The following CACNA1B variants were observed in gnomAD, a reference collection of about 807,000 sequenced individuals.
CACNA1B encodes the protein calcium voltage-gated channel subunit alpha1 B, also known as voltage-dependent N-type calcium channel subunit alpha-1B.
A neutral mutation model predicts 247.2 loss-of-function variants in CACNA1B; 70 were observed. The ratio of observed to expected loss-of-function variants is 0.28; its 90% CI spans 0.23 to 0.35. CACNA1B has a LOEUF of 0.35. CACNA1B is among the 10% of genes least tolerant of loss of function. CACNA1B has a pLI of 1.00. For missense variants in CACNA1B, 2,367 were observed against 3,197.4 expected (o/e 0.74, Z 6.26); for synonymous variants, 1,231 against 1,294.4 (o/e 0.95, Z 1.05).
At chr9:138,039,514 TG>T (rs1190470122) in intron 20 of CACNA1B, among the ~76,000 whole-genome samples, 4 of 152,226 alleles carry the variant, frequency 2.6e-5, no homozygotes, top group Non-Finnish European at 5.9e-5. Context: ...TAGATTATTT[TG>T]TTTTTTTAGG....
intron 37 of CACNA1B, among the ~76,000 whole-genome samples, chr9:138,098,235 A>G (rs1477160285): frequency 6.6e-6 from 1 of 152,166 alleles, no homozygotes; most frequent in East Asian, 1.9e-4. Flanking sequence ...TCATGCTGGG[A>G]GGGACAGGCT....
Position 138,058,630 on chromosome 9 carries a change from G to A in CACNA1B, c.4370G>A (p.Arg1457Gln), listed in dbSNP as rs1445632261. ...KPLTRYMPQN[R>Q]QSFQYKTWTF... is the part of the protein sequence containing the mutation. ...CTGACACGGTACATGCCCCAAAACC[G>A]GCAGTCGTTCCAGTATAAGACGTGG... Residue 1457 changes from arginine to glutamine, a missense_variant, in exon 29 of 47, where the codon CGG becomes CAG. Around this residue, in one of 12 missense-constraint regions of CACNA1B, gnomAD observed 436 missense variants for 679.5 expected, o/e 0.64. Transcript: ENST00000371372. This position sits in a 1 kb window ranked among gnomAD's most constrained non-coding sequence, Gnocchi z 4.7. The A allele has an allele frequency of 2.2e-5, 35 of 1,613,788 alleles. No individual in the cohort carries two copies. The highest frequency in any genetic ancestry group is 2.7e-5 in the Non-Finnish European group (32 of 1,179,844).
Position 137,986,553 on chromosome 9 carries a change from G to A in CACNA1B, c.1901+9G>A. On this transcript the variant is annotated intron_variant, in intron 14 of 46. Coordinates refer to ENST00000371372, the MANE Select transcript of CACNA1B (RefSeq NM_000718.4). The surrounding 1 kb of genome is among the most constrained non-coding windows in gnomAD (Gnocchi z 6.0). ...CAGCTGTTTGGGGGACAGTAAGTGG[G>A]CCCGGGAGGGAGAGCTCAAGGCTGG... is the stretch of plus-strand genomic sequence containing the variant. The A allele has an allele frequency of 1.2e-6, 2 of 1,613,662 alleles. No individual in the cohort carries two copies. Among genetic ancestry groups the A allele is most frequent in the Non-Finnish European group, 1.7e-6 (2 of 1,179,730 alleles).
chr9:138,026,308 A>C (rs560563434), intron 20 of CACNA1B, among the ~76,000 whole-genome samples: 1 of 152,162 alleles, frequency 6.6e-6, no homozygotes, highest in African/African-American at 2.4e-5. Flanking sequence ...CATGGGCACA[A>C]GTGAGTCTGC....
At chr9:137,966,169 T>C (rs1958073050) in intron 10 of CACNA1B, among the ~76,000 whole-genome samples, 1 of 152,192 alleles carries the variant, frequency 6.6e-6, no homozygotes, top group Admixed American at 6.5e-5. Flanking sequence ...TTCCAGCTCT[T>C]CTTTATCATT....
At chr9:137,943,325 CT>C (rs1170965558) in intron 6 of CACNA1B, among the ~76,000 whole-genome samples, 2 of 152,278 alleles carry the variant, frequency 1.3e-5, no homozygotes, top group East Asian at 3.9e-4. Context: ...TTGATTAGCT[CT>C]TTCCACTTTT....
In CACNA1B at chr9:138,007,008, C is replaced by G; in HGVS notation, c.2092+124C>G. The stretch of plus-strand genomic sequence containing the variant: ...GGACGTGAGAGGTGCATTCTCAGAG[C>G]TGAGTGCAGATGGAGAACATTCTGC... On this transcript the variant is annotated intron_variant, in intron 16 of 46. Transcript: ENST00000371372. This position sits in a 1 kb window ranked among gnomAD's most constrained non-coding sequence, Gnocchi z 4.1. 1 of 640,750 alleles carries G rather than the reference C, an allele frequency of 1.6e-6. No homozygotes were observed. Among genetic ancestry groups the G allele is most frequent in the Non-Finnish European group, 2.9e-6 (1 of 347,028 alleles). 39.7% of individuals were successfully genotyped at this position (640,750 alleles called of 1,614,324 possible).
Position 138,058,498 on chromosome 9 carries a change from G to A in CACNA1B, c.4309-71G>A, listed in dbSNP as rs1959596365. ...TCCCTGTGAGGCCTGGCGAGACAGGGCTGGGTGCAGTAGATGCCGTCGGGT... is the reference window on the plus strand; with the variant it reads ...TCCCTGTGAGGCCTGGCGAGACAGGACTGGGTGCAGTAGATGCCGTCGGGT... On this transcript the variant is annotated intron_variant, in intron 28 of 46. Transcript: ENST00000371372. This position sits in a 1 kb window ranked among gnomAD's most constrained non-coding sequence, Gnocchi z 4.7. 2 of 1,395,968 alleles carry A rather than the reference G, an allele frequency of 1.4e-6. No homozygotes were observed. Among genetic ancestry groups the A allele is most frequent in the Admixed American group, 4.1e-5 (2 of 48,768 alleles). The allele number at this position is 1,395,968 out of a possible 1,614,324, so 86.5% of individuals were successfully genotyped here.
intron 10 of CACNA1B, among the ~76,000 whole-genome samples, chr9:137,960,493 C>T (rs868575768): frequency 4.2e-5 from 3 of 71,310 alleles, no homozygotes; most frequent in Admixed American, 3.1e-4. Context: ...AGATGCGAGA[C>T]GCCGCCAGGG....
At chr9:137,967,426 G>A (rs1309804879) in intron 10 of CACNA1B, among the ~76,000 whole-genome samples, 7 of 152,270 alleles carry the variant, frequency 4.6e-5, no homozygotes, top group Non-Finnish European at 1.0e-4. Flanking sequence ...TATGCCCAGG[G>A]GCCCTCAGCT....
intron 10 of CACNA1B, among the ~76,000 whole-genome samples, chr9:137,960,260 C>T (rs1021088437): frequency 0.11 from 681 of 6,292 alleles, no homozygotes; most frequent in Admixed American, 0.15. Context: ...GCCTGAGGGA[C>T]ACCCGGAGAG....
intron 20 of CACNA1B, among the ~76,000 whole-genome samples, chr9:138,036,850 T>C (rs993615972): frequency 6.6e-6 from 1 of 152,240 alleles, no homozygotes; most frequent in African/African-American, 2.4e-5. Flanking sequence ...AATAAGCATG[T>C]CTGACAATTA....
chr9:138,070,684 G>T (rs546595146), intron 32 of CACNA1B, among the ~76,000 whole-genome samples: 2 of 152,304 alleles, frequency 1.3e-5, no homozygotes, highest in South Asian at 4.1e-4. Context: ...AAACACCCAG[G>T]CAATGTCATC....
At chr9:138,048,072 G>A (rs1255052882) in intron 23 of CACNA1B, among the ~76,000 whole-genome samples, 2 of 152,166 alleles carry the variant, frequency 1.3e-5, no homozygotes, top group Admixed American at 6.5e-5. Flanking sequence ...TGTGTGAGCC[G>A]GCATGCGTGC....
At chr9:138,084,071 A>G (rs765734324) in intron 36 of CACNA1B, among the ~76,000 whole-genome samples, 28 of 150,520 alleles carry the variant, frequency 1.9e-4, no homozygotes, top group Admixed American at 7.2e-4. Context: ...CACCCCGCCC[A>G]GGAGTAGAAT....
rs189335365 is a variant in CACNA1B, at chr9:137,955,361, C to T, written c.1071-337C>T. Reference sequence around the variant, plus strand: ...AGGGAGGAGGCGCATGCCTAGGTTGCTGTAGGCAGGGGCTGTGAAATTGTC... The same window carrying T: ...AGGGAGGAGGCGCATGCCTAGGTTGTTGTAGGCAGGGGCTGTGAAATTGTC... On this transcript the variant is annotated intron_variant, in intron 7 of 46. Transcript: ENST00000371372. This position sits in a 1 kb window ranked among gnomAD's most constrained non-coding sequence, Gnocchi z 6.9. 6.6e-6 allele frequency among the ~76,000 whole-genome samples: 1 copy of T among 152,328 alleles called. No individual in the cohort carries two copies. Among genetic ancestry groups the T allele is most frequent in the Admixed American group, 6.5e-5 (1 of 15,304 alleles).
At chr9:137,956,209 A>G (rs552036309) in intron 8 of CACNA1B, among the ~76,000 whole-genome samples, 9 of 152,298 alleles carry the variant, frequency 5.9e-5, no homozygotes, top group African/African-American at 2.2e-4. Flanking sequence ...GTGCCTCTTC[A>G]GAGATGAACT....
At chr9:138,042,545 T>G (rs1173036246) in intron 20 of CACNA1B, among the ~76,000 whole-genome samples, 1 of 152,278 alleles carries the variant, frequency 6.6e-6, no homozygotes, top group Admixed American at 6.5e-5. Context: ...TAATGTCTAA[T>G]AAATTAATAG....
At chr9:137,903,467 G>A (rs1182953424) in intron 3 of CACNA1B, among the ~76,000 whole-genome samples, 2 of 152,182 alleles carry the variant, frequency 1.3e-5, no homozygotes. Flanking sequence ...CTCTCTGTCC[G>A]TGCCTGTGGT....
Sources: gnomAD v4.1 joint callset for allele counts (sites outside exome capture counted in the v4.1 genomes callset) on GRCh38, gnomAD v4.1.1 for gene constraint, gnomAD v4.1.1 regional missense constraint, Gnocchi (gnomAD v3.1) non-coding constraint, MANE v1.5 for transcripts, NCBI Gene and HGNC (gene_info 2026-07-23, HGNC 2026-07-21) for gene names.